The following ACOT12 variants were observed in gnomAD, a reference collection of about 807,000 sequenced individuals.
ACOT12 encodes the protein acetyl-coenzyme A thioesterase.
Under a neutral mutation model 67.7 loss-of-function variants are expected in ACOT12, and 51 were observed. That is an observed-to-expected ratio of 0.75 (90% confidence interval 0.60 to 0.95). The LOEUF is 0.95. ACOT12 is among the 40% of genes least tolerant of loss of function. ACOT12 has a pLI of 0.00. For missense variants in ACOT12, 734 were observed against 708.1 expected, an observed-to-expected ratio of 1.04 and a Z score of -0.41; for synonymous variants, 251 against 244.6, an observed-to-expected ratio of 1.03 and a Z score of -0.24.
At chr5:81,338,224 T>C (rs1759067974) in intron 11 of ACOT12, among the ~76,000 whole-genome samples, 1 of 152,220 alleles carries the variant, frequency 6.6e-6, no homozygotes, top group Admixed American at 6.5e-5. Flanking sequence ...AATATAGAGA[T>C]TCAATTTATT....
chr5:81,350,008 C>T (rs754462013), intron 5 of ACOT12, among the ~76,000 whole-genome samples: 9 of 152,150 alleles, frequency 5.9e-5, no homozygotes, highest in Non-Finnish European at 1.3e-4. Flanking sequence ...CTAATGAGTT[C>T]CAACATCTTT....
chr5:81,343,989 G>T, intron 9 of ACOT12, 108 bp from the exon 10 acceptor site: 1 of 1,211,200 alleles, frequency 8.3e-7, no homozygotes, highest in Non-Finnish European at 1.2e-6. Context: ...GATATCAGTG[G>T]AACAACGTGG....
At chr5:81,360,290 C>T (rs1220642359) in intron 4 of ACOT12, among the ~76,000 whole-genome samples, 1 of 151,796 alleles carries the variant, frequency 6.6e-6, no homozygotes, top group Admixed American at 6.6e-5. Flanking sequence ...TATTATTTTC[C>T]CTGATTTTAA....
rs2153841347 is a variant in ACOT12, at chr5:81,330,733, A to G, written c.1518+81T>C. On this transcript the variant is annotated intron_variant, in intron 14 of 14. Transcript: ENST00000307624. ...GGACACAAATTACAAGATTACAATTAATTAGGACATCTGGGTAAATTAAGA... is the reference window on the plus strand; with the variant it reads ...GGACACAAATTACAAGATTACAATTGATTAGGACATCTGGGTAAATTAAGA... The G allele has an allele frequency of 1.9e-6, 3 of 1,563,664 alleles. No homozygotes were observed. The South Asian group carries it at 3.6e-5, about 19-fold the overall frequency.
the ACOT12 span, chr5:81,309,020 A>G: frequency 6.2e-7 from 1 of 1,612,228 alleles, no homozygotes; most frequent in Non-Finnish European, 8.5e-7. Context: ...TGATAATCCC[A>G]AAGGACTCTA....
Position 81,330,514 on chromosome 5 carries a change from G to A in ACOT12, c.1548C>T (p.Ser516=), listed in dbSNP as rs1425711414. Residue 516 remains serine (S), a synonymous_variant, in exon 15 of 15, where the codon AGC becomes AGT. Transcript: ENST00000307624. ...IVSYFNHMSA[S]ILPYFAGNLG... ...GATTTCCAGCAAAGTAAGGAAGGAT[G>A]CTAGCAGACATATGGTTAAAGTAAG... The A allele has an allele frequency of 6.8e-6, 11 of 1,614,056 alleles. No individual in the cohort carries two copies. Among genetic ancestry groups the A allele is most frequent in the Non-Finnish European group, 9.3e-6 (11 of 1,179,962 alleles).
intron 11 of ACOT12, among the ~76,000 whole-genome samples, chr5:81,336,351 G>A (rs950822670): frequency 5.3e-5 from 8 of 152,156 alleles, no homozygotes; most frequent in Non-Finnish European, 1.2e-4. Context: ...GTGTCTTTAA[G>A]TGGGCCAAGG....
At chr5:81,332,243 C>T (rs575423269) in intron 13 of ACOT12, among the ~76,000 whole-genome samples, 6 of 152,130 alleles carry the variant, frequency 3.9e-5, no homozygotes, top group Admixed American at 2.6e-4. Context: ...TTTACATTTA[C>T]GTAGGAAAAG....
the ACOT12 span, chr5:81,308,740 G>A: frequency 1.9e-6 from 3 of 1,589,824 alleles, no homozygotes; most frequent in Non-Finnish European, 2.6e-6. Flanking sequence ...TTTTTGTTTT[G>A]TTCATGGGGA....
chr5:81,321,889 G>A, the ACOT12 span, among the ~76,000 whole-genome samples: 3 of 152,184 alleles, frequency 2.0e-5, no homozygotes, highest in Non-Finnish European at 4.4e-5. Context: ...AAAGGTTGCG[G>A]TGAGTGGAGA....
intron 12 of ACOT12, among the ~76,000 whole-genome samples, chr5:81,333,154 G>A (rs899324157): frequency 1.1e-4 from 16 of 152,040 alleles, no homozygotes; most frequent in African/African-American, 3.6e-4. Context: ...GAGGATGGTG[G>A]CCATCTGACT....
chr5:81,311,489 T>G, the ACOT12 span, among the ~76,000 whole-genome samples: 211 of 152,268 alleles, frequency 1.4e-3, 2 homozygotes, highest in African/African-American at 5.0e-3. Context: ...CCAGTAAGCC[T>G]TAGGGGACCC....
At chr5:81,326,705 C>G (rs920280857), downstream of ACOT12, among the ~76,000 whole-genome samples, 3 of 152,206 alleles carry the variant, frequency 2.0e-5, no homozygotes, top group African/African-American at 7.2e-5. Flanking sequence ...GCAAACAAGC[C>G]AGGCCTCCTC....
At chr5:81,351,209 C>G (rs1281465027) in intron 5 of ACOT12, among the ~76,000 whole-genome samples, 1 of 152,190 alleles carries the variant, frequency 6.6e-6, no homozygotes, top group African/African-American at 2.4e-5. Context: ...ATTTCTCTCT[C>G]TTTCTAAAAT....
Position 81,393,900 on chromosome 5 carries a change from C to T in ACOT12, c.127+88G>A, listed in dbSNP as rs2153861188. ...GGTTCAGCTCTCCGCAAGTACCTTC[C>T]TCGCCTTCCTACCCCCCCCAGCCCC... On this transcript the variant is annotated intron_variant, in intron 1 of 14. Transcript: ENST00000307624. The T allele has an allele frequency of 1.3e-5, 16 of 1,239,226 alleles. No homozygotes were observed. The South Asian group carries it at 4.1e-4, about 31-fold the overall frequency. The allele number at this position is 1,239,226 out of a possible 1,614,324, so 76.8% of individuals were successfully genotyped here. A position where few individuals can be genotyped will look rare whatever the true frequency, so the allele number is the denominator to read the frequency against.
chr5:81,327,153 A>ATATG (rs202186508), downstream of ACOT12, among the ~76,000 whole-genome samples: 2,183 of 146,616 alleles, frequency 0.015, 45 homozygotes, highest in African/African-American at 0.053. Flanking sequence ...GATTATATAT[A>ATATG]TGTGATTATA....
Position 81,393,911 on chromosome 5 carries a change from A to ACC in ACOT12, c.127+75_127+76dup, listed in dbSNP as rs113262451. 131 of 1,233,434 alleles carry ACC rather than the reference A, an allele frequency of 1.1e-4. No homozygotes were observed. The African/African-American group carries it at 1.4e-3, about 13-fold the overall frequency. 76.4% of individuals were successfully genotyped at this position (1,233,434 alleles called of 1,614,324 possible). ...CCGCAAGTACCTTCCTCGCCTTCCTACCCCCCCCAGCCCCCAGCCGCCGCC... is the reference window on the plus strand; with the variant it reads ...CCGCAAGTACCTTCCTCGCCTTCCTACCCCCCCCCCAGCCCCCAGCCGCCGCC... On this transcript the variant is annotated intron_variant, in intron 1 of 14. Coordinates refer to ENST00000307624, the MANE Select transcript of ACOT12 (RefSeq NM_130767.3).
chr5:81,384,117 C>CTTT (rs35675731), intron 2 of ACOT12, among the ~76,000 whole-genome samples: 82 of 118,682 alleles, frequency 6.9e-4, no homozygotes, highest in Middle Eastern at 4.8e-3. Context: ...CATAGGTGTA[C>CTTT]TTTTTTTTTT....
chr5:81,371,297 G>C (rs749367395), intron 3 of ACOT12, among the ~76,000 whole-genome samples: 1 of 152,084 alleles, frequency 6.6e-6, no homozygotes, highest in East Asian at 1.9e-4. Context: ...ATGTCACCCA[G>C]GCTGGAATGT....
Sources: allele counts gnomAD v4.1 joint callset (sites outside exome capture counted in the v4.1 genomes callset), GRCh38; gene constraint gnomAD v4.1.1; transcripts MANE v1.5; gene names NCBI Gene and HGNC (gene_info 2026-07-23, HGNC 2026-07-21).